The following FNDC3B variants were observed in gnomAD, a reference collection of about 807,000 sequenced individuals.
FNDC3B encodes fibronectin type III domain containing 3B, also known as fibronectin type III domain-containing protein 3B.
A neutral mutation model predicts 151.5 loss-of-function variants in FNDC3B; 12 were observed. The observed-to-expected ratio is 0.08, with a 90% confidence interval of 0.05 to 0.13. FNDC3B has a LOEUF of 0.13. FNDC3B is among the 10% of genes least tolerant of loss of function. The probability of loss-of-function intolerance (pLI) is 1.00; values close to 1 mark genes in which losing one functional copy is unlikely to be tolerated. For missense variants in FNDC3B, 1,214 were observed against 1,505.3 expected, an observed-to-expected ratio of 0.81 and a Z score of 3.20; for synonymous variants, 528 against 549.0, an observed-to-expected ratio of 0.96 and a Z score of 0.54.
At chr3:172,058,449 T>C (rs1034291852) in intron 1 of FNDC3B, among the ~76,000 whole-genome samples, 6 of 149,278 alleles carry the variant, frequency 4.0e-5, no homozygotes, top group Non-Finnish European at 8.8e-5. Flanking sequence ...AGATCCTTAA[T>C]TTTCTTTTTT....
rs746544379 is a variant in FNDC3B, at chr3:172,378,452, A to G, written c.3175+16A>G. 8.2e-6 allele frequency: 13 copies of G among 1,581,386 alleles called. No individual in the cohort carries two copies. Among genetic ancestry groups the G allele is most frequent in the South Asian group, 1.2e-5 (1 of 85,628 alleles). Reference sequence around the variant, plus strand: ...ACCATCAAAGGTGTGTAGACTATGTATTCTTTCTCGCTCTCTTGTGAGAGT... The same window carrying G: ...ACCATCAAAGGTGTGTAGACTATGTGTTCTTTCTCGCTCTCTTGTGAGAGT... On this transcript the variant is annotated intron_variant, in intron 24 of 25. Transcript: ENST00000415807.
At chr3:172,146,980 G>A (rs1330260156) in intron 3 of FNDC3B, among the ~76,000 whole-genome samples, 1 of 152,118 alleles carries the variant, frequency 6.6e-6, no homozygotes, top group African/African-American at 2.4e-5. Flanking sequence ...GATTGGAACA[G>A]GTATGATTAT....
chr3:172,314,840 C>T (rs1444830025), intron 11 of FNDC3B, among the ~76,000 whole-genome samples: 55 of 152,170 alleles, frequency 3.6e-4, no homozygotes, highest in Admixed American at 3.6e-3. Context: ...TAATGGGGAG[C>T]AGAAAACAGA....
At chr3:172,093,392 G>A (rs1436480623) in intron 1 of FNDC3B, among the ~76,000 whole-genome samples, 1 of 151,816 alleles carries the variant, frequency 6.6e-6, no homozygotes, top group African/African-American at 2.4e-5. Flanking sequence ...CCGAGTAGCT[G>A]GGACTACAGG....
intron 3 of FNDC3B, among the ~76,000 whole-genome samples, chr3:172,187,866 C>T (rs1236122317): frequency 6.6e-6 from 1 of 152,282 alleles, no homozygotes; most frequent in East Asian, 1.9e-4. Flanking sequence ...GCAGTTTGCC[C>T]ACCTTGGCCC....
At chr3:172,096,130 C>T (rs1000228240) in intron 1 of FNDC3B, among the ~76,000 whole-genome samples, 3 of 152,146 alleles carry the variant, frequency 2.0e-5, no homozygotes, top group Non-Finnish European at 4.4e-5. Flanking sequence ...ATTAAGTATT[C>T]TGGGGCAAAG....
chr3:172,355,687 G>T (rs914903915), intron 22 of FNDC3B, among the ~76,000 whole-genome samples: 2 of 152,162 alleles, frequency 1.3e-5, no homozygotes, highest in South Asian at 4.1e-4. Context: ...CCTGTAGGCC[G>T]CAATTGGCCC....
chr3:172,118,944 G>A (rs4894524), intron 2 of FNDC3B, among the ~76,000 whole-genome samples: 90,158 of 151,342 alleles, frequency 0.6, 29,370 homozygotes, highest in East Asian at 0.76. Context: ...TGAGGCGGGC[G>A]GATCACGAGG....
chr3:172,251,646 T>G (rs1728087273), intron 6 of FNDC3B, 105 bp downstream of exon 6: 2 of 1,131,068 alleles, frequency 1.8e-6, no homozygotes, highest in East Asian at 4.9e-5. Flanking sequence ...GGTGGTTGGT[T>G]GTTCTGCTAA....
intron 3 of FNDC3B, among the ~76,000 whole-genome samples, chr3:172,179,543 C>A (rs1376221648): frequency 6.6e-6 from 1 of 151,060 alleles, no homozygotes; most frequent in African/African-American, 2.4e-5. Context: ...TTCCTCCCTC[C>A]CCCACTGTAT....
chr3:172,309,583 G>A (rs1731365602), intron 10 of FNDC3B, among the ~76,000 whole-genome samples: 1 of 152,160 alleles, frequency 6.6e-6, no homozygotes, highest in Non-Finnish European at 1.5e-5. Context: ...TTAGGACTTA[G>A]AGCACTCACC....
At chr3:172,380,834 A>G in intron 24 of FNDC3B, 132 bp from the exon 25 acceptor site, 1 of 985,822 alleles carries the variant, frequency 1.0e-6, no homozygotes, top group Non-Finnish European at 1.5e-6. Flanking sequence ...AGGCTGGGCA[A>G]ATCAGCTCCT....
At chr3:172,122,668 T>C (rs1720610547) in intron 2 of FNDC3B, among the ~76,000 whole-genome samples, 1 of 152,242 alleles carries the variant, frequency 6.6e-6, no homozygotes, top group Non-Finnish European at 1.5e-5. Context: ...TTCAGCACTT[T>C]GATGAACAAG....
In FNDC3B at chr3:172,083,210, A is replaced by G. The variant is rs78992018; in HGVS notation, c.-28-29242A>G. On this transcript the variant is annotated intron_variant, in intron 1 of 25. Coordinates refer to ENST00000415807, the MANE Select transcript of FNDC3B (RefSeq NM_022763.4). Reference sequence around the variant, plus strand: ...GACAAGGGGTTCCTGTACCACAGAAAAAGGACTGTATTACTCCTGACATAC... The same window carrying G: ...GACAAGGGGTTCCTGTACCACAGAAGAAGGACTGTATTACTCCTGACATAC... 8.6e-4 allele frequency among the ~76,000 whole-genome samples: 131 copies of G among 152,330 alleles called. 1 individual carries two copies. The highest frequency in any genetic ancestry group is 3.0e-3 in the African/African-American group (124 of 41,572).
intron 3 of FNDC3B, among the ~76,000 whole-genome samples, chr3:172,169,698 T>A (rs1723193154): frequency 6.6e-6 from 1 of 152,226 alleles, no homozygotes; most frequent in Non-Finnish European, 1.5e-5. Flanking sequence ...GGGAAGCATG[T>A]TACCTACGAG....
chr3:172,390,933 A>G (rs1735977583), intron 25 of FNDC3B, among the ~76,000 whole-genome samples: 1 of 152,156 alleles, frequency 6.6e-6, no homozygotes, highest in Admixed American at 6.5e-5. Flanking sequence ...TGGAAATACC[A>G]GAGAGTTAGC....
intron 2 of FNDC3B, 143 bp from the exon 3 acceptor site, chr3:172,133,328 A>T: frequency 3.1e-6 from 2 of 646,454 alleles, no homozygotes; most frequent in South Asian, 4.0e-5. Flanking sequence ...CATGCCCCCA[A>T]TTAAGACTTA....
At chr3:172,043,339 T>C (rs1262279990) in intron 1 of FNDC3B, among the ~76,000 whole-genome samples, 1 of 152,000 alleles carries the variant, frequency 6.6e-6, no homozygotes, top group Non-Finnish European at 1.5e-5. Context: ...AGCTTGGTCA[T>C]ATTGCTCTTT....
intron 6 of FNDC3B, among the ~76,000 whole-genome samples, chr3:172,285,210 C>A (rs757530437): frequency 6.6e-6 from 1 of 152,144 alleles, no homozygotes; most frequent in Non-Finnish European, 1.5e-5. Context: ...CACATCCAGT[C>A]CTTCAGGACC....
Sources: allele counts gnomAD v4.1 joint callset (sites outside exome capture counted in the v4.1 genomes callset), GRCh38; gene constraint gnomAD v4.1.1; transcripts MANE v1.5; gene names NCBI Gene and HGNC (gene_info 2026-07-23, HGNC 2026-07-21).